The following PANK1 variants were observed in gnomAD, a reference collection of about 807,000 sequenced individuals.
PANK1 encodes pantothenic acid kinase 1.
A neutral mutation model predicts 40.1 loss-of-function variants in PANK1; 18 were observed. The observed-to-expected ratio is 0.45, with a 90% CI of 0.31 to 0.67. The LOEUF (loss-of-function observed/expected upper bound fraction) is 0.67, where lower values mean the gene tolerates loss of function less well. Among genes scored for constraint, PANK1 ranks in the 30% least tolerant of loss-of-function variants. The pLI, the probability that PANK1 is intolerant of heterozygous loss-of-function variation, is 0.06. For synonymous variants in PANK1, 242 were observed against 237.7 expected, an observed-to-expected ratio of 1.02 and a Z score of -0.17; for missense variants, 457 against 599.6, an observed-to-expected ratio of 0.76 and a Z score of 2.48.
intron 1 of PANK1, among the ~76,000 whole-genome samples, chr10:89,634,949 T>G (rs566772896): frequency 6.6e-6 from 1 of 152,216 alleles, no homozygotes; most frequent in South Asian, 2.1e-4. Context: ...AAGCTTCCAT[T>G]GAGGAGGTGA....
chr10:89,626,612 T>G (rs1212298130), intron 1 of PANK1: 1 of 152,262 alleles, frequency 6.6e-6, no homozygotes, highest in Non-Finnish European at 1.5e-5. Flanking sequence ...ATTATGCCAC[T>G]TTCTTCATCA....
chr10:89,619,831 T>C (rs896574842), intron 1 of PANK1, among the ~76,000 whole-genome samples: 1 of 152,216 alleles, frequency 6.6e-6, no homozygotes, highest in Non-Finnish European at 1.5e-5. Flanking sequence ...TTAAAGATCA[T>C]GTGAGCAACA....
chr10:89,580,738 A>G (rs988335268), downstream of PANK1: 4 of 152,116 alleles, frequency 2.6e-5, no homozygotes, highest in Non-Finnish European at 5.9e-5. Flanking sequence ...TACTCCCAAC[A>G]CTGCATCTCC....
intron 1 of PANK1, among the ~76,000 whole-genome samples, chr10:89,630,707 T>A (rs1305685002): frequency 1.3e-5 from 2 of 152,190 alleles, no homozygotes; most frequent in Non-Finnish European, 2.9e-5. Context: ...TTAGCCAGGA[T>A]GGTCTCGATC....
intron 3 of PANK1, among the ~76,000 whole-genome samples, chr10:89,598,619 C>T (rs567308790): frequency 1.6e-4 from 24 of 152,256 alleles, no homozygotes; most frequent in African/African-American, 5.5e-4. Flanking sequence ...GTTGAATACC[C>T]GTTAACAGGA....
At chr10:89,624,256 G>A (rs1845594232) in intron 1 of PANK1, among the ~76,000 whole-genome samples, 1 of 152,036 alleles carries the variant, frequency 6.6e-6, no homozygotes, top group Non-Finnish European at 1.5e-5. Context: ...GAGGCACAGT[G>A]GCTAGGACCT....
intron 1 of PANK1, among the ~76,000 whole-genome samples, chr10:89,637,025 C>T (rs772445822): frequency 2.7e-5 from 4 of 150,142 alleles, no homozygotes; most frequent in African/African-American, 7.4e-5. Context: ...CCACGCCTGG[C>T]TATTTTGTAT....
chr10:89,622,912 CTAAT>C (rs1386967850), intron 1 of PANK1, among the ~76,000 whole-genome samples: 3 of 151,612 alleles, frequency 2.0e-5, no homozygotes, highest in Admixed American at 6.6e-5. Context: ...CAACAGAGGG[CTAAT>C]TAAACAAATA....
intron 2 of PANK1, among the ~76,000 whole-genome samples, chr10:89,607,893 T>C (rs1199586047): frequency 6.6e-6 from 1 of 152,088 alleles, no homozygotes; most frequent in Non-Finnish European, 1.5e-5. Context: ...ATGGTGGGAG[T>C]TCCTCATTGG....
At chr10:89,582,561 G>A (rs1844070988), downstream of PANK1, 1 of 152,128 alleles carries the variant, frequency 6.6e-6, no homozygotes, top group Non-Finnish European at 1.5e-5. Context: ...GCTGTTACCT[G>A]ATAGATGAGA....
At chr10:89,643,084 A>G (rs1398427441) in intron 1 of PANK1, among the ~76,000 whole-genome samples, 1 of 152,222 alleles carries the variant, frequency 6.6e-6, no homozygotes, top group East Asian at 1.9e-4. Flanking sequence ...ATTCCTCAGA[A>G]GTTATTTCAA....
chr10:89,617,867 A>T (rs970386427), intron 1 of PANK1, among the ~76,000 whole-genome samples: 2 of 152,200 alleles, frequency 1.3e-5, no homozygotes, highest in Non-Finnish European at 2.9e-5. Context: ...TTTGAAAAAT[A>T]ATTGTACTGC....
intron 2 of PANK1, among the ~76,000 whole-genome samples, chr10:89,601,767 C>G (rs929827821): frequency 6.6e-6 from 1 of 152,150 alleles, no homozygotes; most frequent in African/African-American, 2.4e-5. Flanking sequence ...CCAAGTGAAA[C>G]TTCTGTATGA....
chr10:89,629,114 A>G (rs529024678), intron 1 of PANK1, among the ~76,000 whole-genome samples: 1 of 152,378 alleles, frequency 6.6e-6, no homozygotes, highest in African/African-American at 2.4e-5. Flanking sequence ...AATAAAATTA[A>G]AAAAGAAGAG....
chr10:89,582,690 T>C (rs1017417351), downstream of PANK1: 2 of 152,222 alleles, frequency 1.3e-5, no homozygotes, highest in Admixed American at 6.5e-5. Context: ...TAGAAGTTGG[T>C]AAAATGTATC....
intron 1 of PANK1, chr10:89,626,202 T>C (rs1479466180): frequency 6.6e-6 from 1 of 152,082 alleles, no homozygotes; most frequent in Non-Finnish European, 1.5e-5. Flanking sequence ...CAGACAGCTA[T>C]GGTCATCACT....
At chr10:89,639,125 T>C (rs974673813) in intron 1 of PANK1, 2 of 407,926 alleles carry the variant, frequency 4.9e-6, no homozygotes, top group Admixed American at 5.0e-5. Context: ...TAATTAATAA[T>C]GAACAGAAAT....
intron 1 of PANK1, among the ~76,000 whole-genome samples, chr10:89,633,269 C>A (rs928206523): frequency 6.6e-6 from 1 of 152,084 alleles, no homozygotes; most frequent in African/African-American, 2.4e-5. Flanking sequence ...CGCTGAGATG[C>A]CTGGTTTGCT....
At chr10:89,630,190 G>A (rs372580937) in intron 1 of PANK1, among the ~76,000 whole-genome samples, 10 of 152,126 alleles carry the variant, frequency 6.6e-5, no homozygotes, top group Non-Finnish European at 1.2e-4. Context: ...GATATATACC[G>A]GCCAAACGTT....
Sources: allele counts gnomAD v4.1 joint callset (sites outside exome capture counted in the v4.1 genomes callset), GRCh38; gene constraint gnomAD v4.1.1; transcripts MANE v1.5; gene names NCBI Gene and HGNC (gene_info 2026-07-23, HGNC 2026-07-21).